Variants in PM20D1 observed in about 807,000 individuals in gnomAD.
The protein encoded by PM20D1 is peptidase M20 domain containing 1, also known as N-fatty-acyl-amino acid synthase/hydrolase PM20D1.
In PM20D1, 53 loss-of-function variants were observed where a neutral mutation model predicts 53.8. The observed-to-expected ratio is 0.98, with a 90% CI of 0.79 to 1.24. PM20D1 has a LOEUF of 1.24. Ranked by LOEUF, PM20D1 falls within the 50% of genes most tolerant of loss-of-function variation. PM20D1 has a pLI of 0.00. For synonymous variants in PM20D1, 239 were observed against 241.3 expected (o/e 0.99, Z 0.09); for missense variants, 564 against 616.8 (o/e 0.91, Z 0.91).
intron 2 of PM20D1, among the ~76,000 whole-genome samples, chr1:205,846,699 C>T (rs375296545): frequency 2.6e-5 from 4 of 152,294 alleles, no homozygotes; most frequent in East Asian, 3.9e-4. Flanking sequence ...CGTACTTCTG[C>T]GTGCAGGTGT....
intron 9 of PM20D1, 43 bp from the exon 10 acceptor site, chr1:205,840,366 ATCT>A (rs778003789): frequency 3.0e-5 from 47 of 1,548,218 alleles, no homozygotes; most frequent in East Asian, 4.5e-5. Context: ...TCAACCTCAA[ATCT>A]TCTACATCTG....
At chr1:205,838,904 G>T (rs970967727) in intron 10 of PM20D1, among the ~76,000 whole-genome samples, 1 of 152,078 alleles carries the variant, frequency 6.6e-6, no homozygotes, top group African/African-American at 2.4e-5. Context: ...CACCTCTGGT[G>T]GTTGCTCTCT....
chr1:205,843,562 G>C, intron 6 of PM20D1, 105 bp downstream of exon 6: 1 of 1,480,344 alleles, frequency 6.8e-7, no homozygotes, highest in Non-Finnish European at 9.0e-7. Context: ...TAGTTTCCCA[G>C]CCCAACTTTA....
chr1:205,841,755 G>T (rs1463236362), intron 9 of PM20D1, 56 bp downstream of exon 9: 1 of 1,455,082 alleles, frequency 6.9e-7, no homozygotes, highest in South Asian at 1.2e-5. Flanking sequence ...ATTCAAGGAA[G>T]GGAGGAGTGG....
chr1:205,833,002 G>C (rs1389111952), intron 10 of PM20D1, among the ~76,000 whole-genome samples: 1 of 152,130 alleles, frequency 6.6e-6, no homozygotes, highest in African/African-American at 2.4e-5. Context: ...AATGTTTTGG[G>C]AGACTTGTCT....
intron 10 of PM20D1, among the ~76,000 whole-genome samples, chr1:205,838,485 T>A (rs1656732696): frequency 6.6e-6 from 1 of 152,224 alleles, no homozygotes; most frequent in South Asian, 2.1e-4. Flanking sequence ...ATTATAGCAC[T>A]CATCGTGGTT....
rs1243572068 is a variant in PM20D1, at chr1:205,835,479, C to T, written c.1117-2713G>A. On this transcript the variant is annotated intron_variant, in intron 10 of 12. Transcript: ENST00000367136. Reference sequence around the variant, plus strand: ...CATCCTGGCTAACACAGTGAAACCCCGTCTCTACTAAAAATACAAAAAATT... The same window carrying T: ...CATCCTGGCTAACACAGTGAAACCCTGTCTCTACTAAAAATACAAAAAATT... 2.0e-5 allele frequency among the ~76,000 whole-genome samples: 3 copies of T among 151,840 alleles called. No individual in the cohort carries two copies. The East Asian group carries it at 5.8e-4, about 29-fold the overall frequency.
rs770448003 is a variant in PM20D1, at chr1:205,845,425, G to C, written c.389C>G (p.Pro130Arg). 1 of 1,614,228 alleles carries C rather than the reference G, an allele frequency of 6.2e-7. No individual in the cohort carries two copies. The highest frequency in any genetic ancestry group is 8.5e-7 in the Non-Finnish European group (1 of 1,180,048). Residue 130 changes from proline to arginine, a missense_variant, in exon 3 of 13, where the codon CCT (proline) becomes CGT (arginine). Physicochemically the swap from Pro to Arg is moderately radical, Grantham distance 103. Coordinates refer to ENST00000367136, the MANE Select transcript of PM20D1 (RefSeq NM_152491.5). Reference protein sequence around the residue: ...YLLMAHFDVVPAPEEGWEVPP... With the variant: ...YLLMAHFDVVRAPEEGWEVPP... ...CACCTCCCAGCCTTCTTCAGGGGCA[G>C]GCACCACATCAAAGTGAGCCATCAG...
At chr1:205,835,512 C>T (rs1349373699) in intron 10 of PM20D1, among the ~76,000 whole-genome samples, 1 of 151,838 alleles carries the variant, frequency 6.6e-6, no homozygotes, top group Non-Finnish European at 1.5e-5. Context: ...ATTAGCTGGG[C>T]GTGGTGGCGG....
rs769000157 is a variant in PM20D1, at chr1:205,847,980, G to A, written c.170-9C>T. ...TGGAATCTGGATGGCACCTGTCAGA[G>A]TCAAATAGAGATGAAAGATTGAAAA... On this transcript the variant is annotated splice_polypyrimidine_tract_variant and intron_variant, in intron 1 of 12. Coordinates refer to ENST00000367136, the MANE Select transcript of PM20D1 (RefSeq NM_152491.5). 1.2e-6 allele frequency: 2 copies of A among 1,603,316 alleles called. No homozygotes were observed. The highest frequency in any genetic ancestry group is 3.4e-5 in the Admixed American group (2 of 59,326).
rs142457243 is a variant in PM20D1, at chr1:205,838,011, C to T, written c.1116+2241G>A. ...AACTACCCCCCACTCCCCCAACCCC[C>T]TCAATGCTGGGTGGCTCTGGGCAGG... On this transcript the variant is annotated intron_variant, in intron 10 of 12. Coordinates refer to ENST00000367136, the MANE Select transcript of PM20D1 (RefSeq NM_152491.5). Among the ~76,000 whole-genome samples the T allele has an allele frequency of 5.9e-5, 9 of 152,232 alleles. 1 individual carries two copies. The East Asian group carries it at 1.7e-3, about 29-fold the overall frequency.
At chr1:205,848,435 G>C (rs1274199758) in intron 1 of PM20D1, among the ~76,000 whole-genome samples, 1 of 152,152 alleles carries the variant, frequency 6.6e-6, no homozygotes, top group Non-Finnish European at 1.5e-5. Flanking sequence ...TGTATGTAAA[G>C]GCTTATTCCT....
At chr1:205,832,888 A>T (rs1656594985) in intron 10 of PM20D1, 122 bp from the exon 11 acceptor site, 1 of 1,155,670 alleles carries the variant, frequency 8.7e-7, no homozygotes, top group Non-Finnish European at 1.2e-6. Context: ...GACAGGACTT[A>T]TTTTTTTTAA....
At chr1:205,835,413 G>C (rs1656660906) in intron 10 of PM20D1, among the ~76,000 whole-genome samples, 2 of 152,112 alleles carry the variant, frequency 1.3e-5, no homozygotes, top group Admixed American at 1.3e-4. Context: ...ACCATTACTG[G>C]AGTTAATATG....
chr1:205,830,518 G>T, intron 11 of PM20D1, 139 bp from the exon 12 acceptor site: 1 of 597,836 alleles, frequency 1.7e-6, no homozygotes. Context: ...AAAGCGTATA[G>T]CTATCCTTAC....
chr1:205,830,839 A>G (rs925439867), intron 11 of PM20D1, among the ~76,000 whole-genome samples: 1 of 151,916 alleles, frequency 6.6e-6, no homozygotes, highest in Non-Finnish European at 1.5e-5. Context: ...GCTGTTCCCC[A>G]TGACGCCCAG....
chr1:205,842,675 C>G lies in PM20D1; in HGVS notation c.903+1G>C, dbSNP rs776332694. On this transcript the variant is annotated splice_donor_variant, in intron 7 of 12. Transcript: ENST00000367136. LOFTEE classifies it high-confidence loss of function. ...GGAGTATGTGATACTTCTTCCCATACCTCATTTGCCAGTTGCTGCAATACA... is the reference window on the plus strand; with the variant it reads ...GGAGTATGTGATACTTCTTCCCATAGCTCATTTGCCAGTTGCTGCAATACA... 6.2e-7 allele frequency: 1 copy of G among 1,613,918 alleles called. No individual in the cohort carries two copies. Among genetic ancestry groups the G allele is most frequent in the Admixed American group, 1.7e-5 (1 of 60,010 alleles).
chr1:205,848,403 A>G (rs1188249220), intron 1 of PM20D1, among the ~76,000 whole-genome samples: 1 of 152,212 alleles, frequency 6.6e-6, no homozygotes, highest in Non-Finnish European at 1.5e-5. Context: ...GGGTCCCTAC[A>G]TCAATGAGGC....
chr1:205,849,761 G>T (rs573394652), intron 1 of PM20D1, 143 bp downstream of exon 1: 5 of 1,026,636 alleles, frequency 4.9e-6, no homozygotes, highest in Non-Finnish European at 6.9e-6. Flanking sequence ...GCTGGGAAGG[G>T]TGTTGGGGCC....
Sources: allele counts gnomAD v4.1 joint callset (sites outside exome capture counted in the v4.1 genomes callset), GRCh38; gene constraint gnomAD v4.1.1; transcripts MANE v1.5; gene names NCBI Gene and HGNC (gene_info 2026-07-23, HGNC 2026-07-21).